MED19: variants seen among roughly 807,000 people sequenced by gnomAD.
The protein encoded by MED19 is mediator of RNA polymerase II transcription subunit 19.
In MED19, 4 loss-of-function variants were observed where a neutral mutation model predicts 19.9. The observed-to-expected ratio is 0.20, with a 90% CI of 0.10 to 0.46. The LOEUF (loss-of-function observed/expected upper bound fraction) is 0.46. Ranked by LOEUF, MED19 falls within the 20% of genes least tolerant of loss-of-function variation. The probability of loss-of-function intolerance (pLI) is 0.99; values close to 1 mark genes in which losing one functional copy is unlikely to be tolerated. For missense variants in MED19, 303 were observed against 318.7 expected (o/e 0.95, Z 0.38); for synonymous variants, 139 against 119.6 (o/e 1.16, Z -1.06).
chr11:57,712,068 C>T (rs763544806), exon 1 of MED19: 5 of 1,532,042 alleles, frequency 3.3e-6, no homozygotes, highest in Non-Finnish European at 4.4e-6. Flanking sequence ...CCGGGTCCCC[C>T]GCCCGCAGGA....
rs1040253520 is a variant in MED19, at chr11:57,712,200, T to C, written c.-21A>G. 26 of 1,495,184 alleles carry C rather than the reference T, an allele frequency of 1.7e-5. 1 individual carries two copies. Among genetic ancestry groups the C allele is most frequent in the South Asian group, 1.1e-4 (9 of 78,352 alleles). The allele number at this position is 1,495,184 out of a possible 1,614,324, so 92.6% of individuals were successfully genotyped here. On this transcript the variant is annotated 5_prime_UTR_variant, in exon 1 of 5. Transcript: ENST00000431606. ...TCCATCGTACCCTCCGCCCCGGCGC[T>C]GTCTCCGTGTCTGCCGTTGGTAATT...
intron 1 of MED19, among the ~76,000 whole-genome samples, chr11:57,706,525 CTT>C (rs1342623700): frequency 2.6e-5 from 4 of 152,178 alleles, no homozygotes; most frequent in African/African-American, 9.6e-5. Flanking sequence ...AATCCCAGCA[CTT>C]CAGGAGGCCA....
intron 1 of MED19, among the ~76,000 whole-genome samples, chr11:57,706,148 A>G (rs2135415652): frequency 6.6e-6 from 1 of 152,122 alleles, no homozygotes; most frequent in East Asian, 1.9e-4. Flanking sequence ...AAAGGAATAA[A>G]TGTTTTTTGT....
At chr11:57,712,096 A>G in exon 1 of MED19, 1 of 1,527,758 alleles carries the variant, frequency 6.5e-7, no homozygotes, top group South Asian at 1.2e-5. Flanking sequence ...GCGGGGGTGG[A>G]GGCTTTCCTG....
exon 4 of MED19, chr11:57,704,308 TTTC>T (rs1565203104): frequency 1.3e-6 from 2 of 1,534,478 alleles, no homozygotes; most frequent in African/African-American, 1.4e-5. Context: ...CTACCTTCTT[TTTC>T]TTCTTCTCTT....
rs575304143 is a variant in MED19, at chr11:57,712,009, C to A, written c.171G>T (p.Lys57Asn). The change falls in exon 1 of 5, where the codon AAG (lysine) becomes AAT (asparagine). Residue 57 changes from lysine to asparagine, a missense_variant. Physicochemically the swap from Lys to Asn is moderately conservative, Grantham distance 94. This residue lies in a region of MED19 where 274 missense variants were observed against 259.2 expected (regional missense o/e 1.06). Transcript: ENST00000431606. ...AAAAAGGGCCACAGCCAGCTCCTGA[C>A]TTGTCCGCGCCAGGAGGAGCCGTGG... 1.3e-6 allele frequency: 2 copies of A among 1,531,244 alleles called. No homozygotes were observed. Among genetic ancestry groups the A allele is most frequent in the East Asian group, 2.5e-5 (1 of 39,716 alleles). The allele number at this position is 1,531,244 out of a possible 1,614,324, so 94.9% of individuals were successfully genotyped here.
rs901294268 is a variant in MED19, at chr11:57,704,275, G to T, written c.666+27C>A. On this transcript the variant is annotated intron_variant, in intron 4 of 4. Coordinates refer to ENST00000431606, the Ensembl canonical transcript of MED19. ...GGGTGAGATCTGGGGAAACTCACTGGGTTGTGGCAATAGGCCTCTACTCTA... is the reference window on the plus strand; with the variant it reads ...GGGTGAGATCTGGGGAAACTCACTGTGTTGTGGCAATAGGCCTCTACTCTA... The T allele has an allele frequency of 2.0e-6, 3 of 1,531,880 alleles. No homozygotes were observed. In the South Asian group the frequency reaches 3.6e-5, roughly 18 times the overall value. The allele number at this position is 1,531,880 out of a possible 1,614,324, so 94.9% of individuals were successfully genotyped here. A position where few individuals can be genotyped will look rare whatever the true frequency, so the allele number is the denominator to read the frequency against.
intron 1 of MED19, among the ~76,000 whole-genome samples, chr11:57,706,720 G>A (rs1946511870): frequency 6.6e-6 from 1 of 151,830 alleles, no homozygotes; most frequent in South Asian, 2.1e-4. Context: ...GTGAGAGAGT[G>A]AGACCCTGTC....
chr11:57,710,847 TA>T (rs1946570698), intron 1 of MED19, among the ~76,000 whole-genome samples: 1 of 152,014 alleles, frequency 6.6e-6, no homozygotes, highest in African/African-American at 2.4e-5. Context: ...AGGCATGCAT[TA>T]CCACGCCCGG....
chr11:57,711,912 A>C (rs1590885003), intron 1 of MED19, 51 bp downstream of exon 1: 1 of 1,390,148 alleles, frequency 7.2e-7, no homozygotes, highest in Non-Finnish European at 9.4e-7. Flanking sequence ...CACGCCCATC[A>C]CCTCCTCTCT....
At chr11:57,709,765 T>C (rs1000777054) in intron 1 of MED19, among the ~76,000 whole-genome samples, 1 of 152,176 alleles carries the variant, frequency 6.6e-6, no homozygotes, top group African/African-American at 2.4e-5. Context: ...CTCATTATGT[T>C]GCCCAGGCTG....
chr11:57,704,973 C>G (rs778299132), exon 2 of MED19: 3 of 1,612,464 alleles, frequency 1.9e-6, no homozygotes, highest in Non-Finnish European at 1.7e-6. Flanking sequence ...CAGGACTCAC[C>G]GGGCCAGTGT....
At chr11:57,708,997 G>GT (rs1426478815) in intron 1 of MED19, among the ~76,000 whole-genome samples, 2 of 152,186 alleles carry the variant, frequency 1.3e-5, no homozygotes, top group Admixed American at 1.3e-4. Context: ...AATACTGCAT[G>GT]TAAGTGTGTT....
intron 1 of MED19, among the ~76,000 whole-genome samples, chr11:57,711,230 G>A (rs1946587846): frequency 6.6e-6 from 1 of 152,228 alleles, no homozygotes; most frequent in Non-Finnish European, 1.5e-5. Context: ...ACCAGGAAAT[G>A]CCGGAACCTT....
At chr11:57,704,276 G>A in intron 4 of MED19, 26 bp downstream of exon 4, 1 of 1,532,098 alleles carries the variant, frequency 6.5e-7, no homozygotes, top group African/African-American at 1.4e-5. Context: ...AACTCACTGG[G>A]TTGTGGCAAT....
At chr11:57,706,404 C>T (rs898678975) in intron 1 of MED19, among the ~76,000 whole-genome samples, 5 of 152,126 alleles carry the variant, frequency 3.3e-5, no homozygotes, top group Non-Finnish European at 5.9e-5. Context: ...CCCGCCGCCT[C>T]GGTTTTCCAA....
At chr11:57,704,063 G>C in exon 5 of MED19, 4 of 1,536,164 alleles carry the variant, frequency 2.6e-6, no homozygotes, top group Non-Finnish European at 3.5e-6. Context: ...GCTGCTGCTG[G>C]CCTGGGAGCT....
At chr11:57,712,065 C>T (rs1590885614) in exon 1 of MED19, 2 of 1,534,166 alleles carry the variant, frequency 1.3e-6, no homozygotes, top group Non-Finnish European at 1.8e-6. Context: ...GTGCCGGGTC[C>T]CCCGCCCGCA....
chr11:57,708,689 CTAAA>C (rs1407619708), intron 1 of MED19, among the ~76,000 whole-genome samples: 2 of 152,152 alleles, frequency 1.3e-5, no homozygotes, highest in African/African-American at 4.8e-5. Flanking sequence ...ACATTCCTAA[CTAAA>C]CTCCTTGAAA....
Sources: gnomAD v4.1 joint callset for allele counts (sites outside exome capture counted in the v4.1 genomes callset) on GRCh38, gnomAD v4.1.1 for gene constraint, gnomAD v4.1.1 regional missense constraint, MANE v1.5 for transcripts, NCBI Gene and HGNC (gene_info 2026-07-23, HGNC 2026-07-21) for gene names.